The following MATCAP1 variants were observed in gnomAD, a reference collection of about 807,000 sequenced individuals.
MATCAP1 encodes the protein microtubule-associated tyrosine carboxypeptidase 1.
chr16:67,176,540 C>A, the MATCAP1 span: 1 of 367,742 alleles, frequency 2.7e-6, no homozygotes, highest in East Asian at 4.2e-5. The surrounding 1 kb of genome is among the most constrained non-coding windows in gnomAD (Gnocchi z 4.3). Flanking sequence ...TCTCTTCCTG[C>A]CCCCATGCCT....
chr16:67,177,038 C>T, the MATCAP1 span: 1 of 1,407,942 alleles, frequency 7.1e-7, no homozygotes, highest in African/African-American at 1.5e-5. Context: ...TAGCTGGTCC[C>T]AGCCCACTGC....
chr16:67,176,958 C>T, the MATCAP1 span: 1 of 1,575,194 alleles, frequency 6.3e-7, no homozygotes, highest in Non-Finnish European at 8.6e-7. This position sits in a 1 kb window ranked among gnomAD's most constrained non-coding sequence, Gnocchi z 4.3. Flanking sequence ...GCAGGTGGTC[C>T]ACATCCTCAT....
At chr16:67,176,889 G>C in the MATCAP1 span, 1 of 1,610,446 alleles carries the variant, frequency 6.2e-7, no homozygotes, top group Admixed American at 1.7e-5. This position sits in a 1 kb window ranked among gnomAD's most constrained non-coding sequence, Gnocchi z 4.3. Flanking sequence ...GCTGCCGGTA[G>C]CGTGCCAAGT....
the MATCAP1 span, chr16:67,175,844 C>T: frequency 6.6e-6 from 1 of 152,226 alleles, no homozygotes; most frequent in Non-Finnish European, 1.5e-5. Flanking sequence ...ACCTCTGCAC[C>T]TCACCTGGTC....
At chr16:67,178,398 C>T in the MATCAP1 span, 2 of 1,548,642 alleles carry the variant, frequency 1.3e-6, no homozygotes, top group Non-Finnish European at 1.7e-6. Flanking sequence ...GCAGGCTGGC[C>T]AGGCCCTCCT....
chr16:67,178,571 C>G, the MATCAP1 span: 2 of 1,389,114 alleles, frequency 1.4e-6, no homozygotes, highest in Middle Eastern at 3.5e-4. Flanking sequence ...GAGCCCAGCC[C>G]TGGCCCTGTT....
At chr16:67,178,617 C>G in the MATCAP1 span, 1 of 932,402 alleles carries the variant, frequency 1.1e-6, no homozygotes, top group Non-Finnish European at 1.7e-6. Context: ...ACACTTCCAT[C>G]CTCATGCTCC....
chr16:67,179,629 TG>T, the MATCAP1 span: 3 of 1,525,230 alleles, frequency 2.0e-6, no homozygotes, highest in East Asian at 6.8e-5. This position sits in a 1 kb window ranked among gnomAD's most constrained non-coding sequence, Gnocchi z 5.2. Context: ...GACCCAATGA[TG>T]CCACAGGGCA....
the MATCAP1 span, chr16:67,179,728 G>A: frequency 3.8e-6 from 6 of 1,566,968 alleles, no homozygotes; most frequent in Middle Eastern, 3.4e-4. This position sits in a 1 kb window ranked among gnomAD's most constrained non-coding sequence, Gnocchi z 5.2. Context: ...GGGCAGGGGT[G>A]GGTCAGGTGT....
the MATCAP1 span, chr16:67,179,409 C>T: frequency 3.7e-4 from 587 of 1,590,982 alleles, 11 homozygotes; most frequent in South Asian, 6.2e-3. This position sits in a 1 kb window ranked among gnomAD's most constrained non-coding sequence, Gnocchi z 5.2. Flanking sequence ...TACCCATCTG[C>T]CCGGATACCC....
chr16:67,178,237 A>G, the MATCAP1 span: 2 of 1,542,616 alleles, frequency 1.3e-6, no homozygotes, highest in African/African-American at 1.4e-5. Flanking sequence ...CTTGGCGCGC[A>G]CGCAGTACTC....
At chr16:67,178,196 C>A in the MATCAP1 span, 1 of 1,537,300 alleles carries the variant, frequency 6.5e-7, no homozygotes, top group Non-Finnish European at 8.8e-7. Context: ...CGCTGGCGCA[C>A]ACCTGGCAGC....
chr16:67,179,837 T>G, the MATCAP1 span: 1 of 1,614,112 alleles, frequency 6.2e-7, no homozygotes, highest in African/African-American at 1.3e-5. This position sits in a 1 kb window ranked among gnomAD's most constrained non-coding sequence, Gnocchi z 5.2. Context: ...GCCCTCCTTC[T>G]GCATGTATTT....
chr16:67,182,285 G>A, the MATCAP1 span, among the ~76,000 whole-genome samples: 1 of 149,850 alleles, frequency 6.7e-6, no homozygotes, highest in African/African-American at 2.5e-5. Context: ...ACTGCCTCCT[G>A]GAAACATGCT....
At chr16:67,183,896 C>T in the MATCAP1 span, 2 of 179,580 alleles carry the variant, frequency 1.1e-5, 1 homozygote, top group South Asian at 2.0e-4. Context: ...GCTCGCCGCC[C>T]GCCGCTCCCG....
chr16:67,179,351 G>A, the MATCAP1 span: 2 of 1,523,260 alleles, frequency 1.3e-6, no homozygotes, highest in Non-Finnish European at 1.8e-6. The surrounding 1 kb of genome is among the most constrained non-coding windows in gnomAD (Gnocchi z 5.2). Flanking sequence ...GGGAGTTATT[G>A]GGGCCCCTCC....
At chr16:67,180,626 A>C in the MATCAP1 span, 1 of 1,500,082 alleles carries the variant, frequency 6.7e-7, no homozygotes, top group South Asian at 1.4e-5. Context: ...CCTGGGGGTC[A>C]CATCCAGCCG....
chr16:67,177,893 C>T, the MATCAP1 span: 1 of 851,284 alleles, frequency 1.2e-6, no homozygotes, highest in Non-Finnish European at 1.9e-6. Context: ...CCCACGCTCC[C>T]CCCTACCACC....
At chr16:67,177,014 C>T in the MATCAP1 span, 1 of 1,470,008 alleles carries the variant, frequency 6.8e-7, no homozygotes, top group African/African-American at 1.4e-5. Flanking sequence ...AGGCAGTGGC[C>T]CCTGGCTTTC....
Sources: allele counts gnomAD v4.1 joint callset (sites outside exome capture counted in the v4.1 genomes callset), GRCh38; gene constraint gnomAD v4.1.1; non-coding constraint Gnocchi (gnomAD v3.1); transcripts MANE v1.5; gene names NCBI Gene and HGNC (gene_info 2026-07-23, HGNC 2026-07-21).